The following LTB4R2 variants were observed in gnomAD, a reference collection of about 807,000 sequenced individuals.
LTB4R2 encodes the protein LTB4 receptor JULF2.
In LTB4R2, 6 loss-of-function variants were observed where a neutral mutation model predicts 5.3. The ratio of observed to expected loss-of-function variants is 1.14; its 90% CI spans 0.62 to 2.24. The LOEUF is 2.24. Among genes scored for constraint, LTB4R2 ranks in the 30% most tolerant of loss-of-function variants. LTB4R2 has a pLI of 0.00. For missense variants in LTB4R2, 560 were observed against 521.5 expected (o/e 1.07, Z -0.72); for synonymous variants, 310 against 264.2 (o/e 1.17, Z -1.68).
chr14:24,310,477 A>G, intron 1 of LTB4R2, 178 bp from the exon 2 acceptor site: 1 of 721,218 alleles, frequency 1.4e-6, no homozygotes, highest in Admixed American at 2.1e-5. Flanking sequence ...CTGGGTTCCA[A>G]GAAGGAGTTG....
Position 24,310,744 on chromosome 14 carries a change from T to TAGGA in LTB4R2, c.80_81insAGGA (p.Leu28GlyfsTer256). ...TCGCGGGCCACAGGCACAGCCTTCC[T>TAGGA]GCTGCTGGCGGCGCTGCTGGGGCTG... On this transcript the variant is annotated frameshift_variant, in exon 2 of 2. Transcript: ENST00000533293. LOFTEE classifies it low-confidence loss of function (END_TRUNC). 1 of 1,611,578 alleles carries TAGGA rather than the reference T, an allele frequency of 6.2e-7. No homozygotes were observed. Among genetic ancestry groups the TAGGA allele is most frequent in the Non-Finnish European group, 8.5e-7 (1 of 1,179,814 alleles).
Position 24,310,806 on chromosome 14 carries a change from T to A in LTB4R2, c.142T>A (p.Trp48Arg), listed in dbSNP as rs768100539. 1.9e-6 allele frequency: 3 copies of A among 1,597,658 alleles called. 1 individual carries two copies. The South Asian group carries it at 3.3e-5, about 18-fold the overall frequency. The change falls in exon 2 of 2, where the codon TGG becomes AGG. Residue 48 changes from tryptophan to arginine, a missense_variant. By Grantham distance (101) the Trp-to-Arg change is moderately radical. Coordinates refer to ENST00000533293, the MANE Select transcript of LTB4R2 (RefSeq NM_019839.5). ...NGFVVWSLAG[W>R]RPARGRPLAA... ...CTTCGTGGTGTGGAGCTTGGCGGGC[T>A]GGCGGCCTGCACGGGGGCGACCGCT...
Position 24,311,905 on chromosome 14 carries a change from CTG to C in LTB4R2, c.*165_*166del. On this transcript the variant is annotated 3_prime_UTR_variant, in exon 2 of 2. Coordinates refer to ENST00000533293, the MANE Select transcript of LTB4R2 (RefSeq NM_019839.5). ...TGGGGCAGGCCCAGGCTCCTCCAAA[CTG>C]AGGGATTATGAGGGTGGTGATGGTC... The C allele has an allele frequency of 1.5e-6, 1 of 662,356 alleles. No individual in the cohort carries two copies. Among genetic ancestry groups the C allele is most frequent in the Non-Finnish European group, 2.6e-6 (1 of 388,820 alleles). The allele number at this position is 662,356 out of a possible 1,614,324, so 41.0% of individuals were successfully genotyped here. A position where few individuals can be genotyped will look rare whatever the true frequency, so the allele number is the denominator to read the frequency against.
Position 24,310,811 on chromosome 14 carries a change from G to A in LTB4R2, c.147G>A (p.Arg49=), listed in dbSNP as rs764381575. 1.2e-5 allele frequency: 19 copies of A among 1,596,894 alleles called. No individual in the cohort carries two copies. In the African/African-American group the frequency reaches 2.3e-4, roughly 19 times the overall value. Residue 49 remains arginine (R), a synonymous_variant, in exon 2 of 2, where the codon CGG becomes CGA. Transcript: ENST00000533293. ...GFVVWSLAGW[R]PARGRPLAAT... Reference sequence around the variant, plus strand: ...TGGTGTGGAGCTTGGCGGGCTGGCGGCCTGCACGGGGGCGACCGCTGGCGG... The same window carrying A: ...TGGTGTGGAGCTTGGCGGGCTGGCGACCTGCACGGGGGCGACCGCTGGCGG...
chr14:24,311,307 T>C lies in LTB4R2; in HGVS notation c.643T>C (p.Ser215Pro), dbSNP rs750466222. 1.9e-4 allele frequency: 297 copies of C among 1,593,876 alleles called. No homozygotes were observed. The highest frequency in any genetic ancestry group is 2.5e-4 in the Non-Finnish European group (287 of 1,170,508). Reference protein sequence around the residue: ...LARLRGARWGSGRHGARVGRL... With the variant: ...LARLRGARWGPGRHGARVGRL... ...ACGGCTGCGGGGCGCCCGCTGGGGC[T>C]CCGGGCGGCACGGGGCGCGGGTGGG... Residue 215 changes from serine to proline, a missense_variant, in exon 2 of 2, where the codon TCC becomes CCC. Transcript: ENST00000533293.
In LTB4R2 at chr14:24,311,366, C is replaced by G. The variant is rs1386192971; in HGVS notation, c.702C>G (p.Gly234=). ...RLVSAIVLAF[G]LLWAPYHAVN... ...TGAGCGCCATCGTGCTTGCCTTCGG[C>G]TTGCTCTGGGCCCCCTACCACGCAG... Residue 234 remains glycine (G), a synonymous_variant, in exon 2 of 2, where the codon GGC becomes GGG. Transcript: ENST00000533293. The G allele has an allele frequency of 2.5e-6, 4 of 1,604,356 alleles. No individual in the cohort carries two copies. The highest frequency in any genetic ancestry group is 3.4e-6 in the Non-Finnish European group (4 of 1,179,498).
At position 24,311,332 on chromosome 14, in the gene LTB4R2, G is replaced by A; in HGVS notation, c.668G>A (p.Gly223Asp). ...WGSGRHGARV[G>D]RLVSAIVLAF... ...TCCGGGCGGCACGGGGCGCGGGTGG[G>A]CCGGCTGGTGAGCGCCATCGTGCTT... Residue 223 changes from glycine (G) to aspartate (D), a missense_variant, in exon 2 of 2, where the codon GGC becomes GAC. Physicochemically the swap from Gly to Asp is moderately conservative, Grantham distance 94. Transcript: ENST00000533293. The A allele has an allele frequency of 2.5e-6, 4 of 1,601,940 alleles. No individual in the cohort carries two copies. Among genetic ancestry groups the A allele is most frequent in the Non-Finnish European group, 3.4e-6 (4 of 1,176,292 alleles).
At position 24,311,599 on chromosome 14, in the gene LTB4R2, G is replaced by A; in HGVS notation, c.935G>A (p.Gly312Glu). The A allele has an allele frequency of 6.2e-7, 1 of 1,612,452 alleles. No homozygotes were observed. The highest frequency in any genetic ancestry group is 8.5e-7 in the Non-Finnish European group (1 of 1,180,014). Residue 312 changes from glycine (G) to glutamate (E), a missense_variant, in exon 2 of 2, where the codon GGG becomes GAG. Transcript: ENST00000533293. ...CTCACGCGGCTCTTCGAAGGCTCTG[G>A]GGAGGCCCGAGGGGGCGGCCGCTCT... is the stretch of plus-strand genomic sequence containing the variant. ...RFLTRLFEGSGEARGGGRSRE... is the reference protein window; with the variant it reads ...RFLTRLFEGSEEARGGGRSRE...
Position 24,310,806 on chromosome 14 carries a change from T to C in LTB4R2, c.142T>C (p.Trp48Arg), listed in dbSNP as rs768100539. ...NGFVVWSLAG[W>R]RPARGRPLAA... The stretch of plus-strand genomic sequence containing the variant: ...CTTCGTGGTGTGGAGCTTGGCGGGC[T>C]GGCGGCCTGCACGGGGGCGACCGCT... Residue 48 changes from tryptophan to arginine, a missense_variant, in exon 2 of 2, where the codon TGG becomes CGG. Trp to Arg is a moderately radical substitution (Grantham distance 101, BLOSUM62 -3). Coordinates refer to ENST00000533293, the MANE Select transcript of LTB4R2 (RefSeq NM_019839.5). The C allele has an allele frequency of 8.1e-6, 13 of 1,597,540 alleles. No individual in the cohort carries two copies. Among genetic ancestry groups the C allele is most frequent in the Non-Finnish European group, 1.0e-5 (12 of 1,174,276 alleles).
At position 24,310,763 on chromosome 14, in the gene LTB4R2, G is replaced by A. The variant is rs560159331; in HGVS notation, c.99G>A (p.Leu33=). ...CCTTCCTGCTGCTGGCGGCGCTGCT[G>A]GGGCTGCCTGGCAACGGCTTCGTGG... ...GTAFLLLAAL[L]GLPGNGFVVW... is the part of the protein sequence containing the mutation. Residue 33 remains leucine, a synonymous_variant, in exon 2 of 2, where the codon CTG becomes CTA. Transcript: ENST00000533293. 39 of 1,609,384 alleles carry A rather than the reference G, an allele frequency of 2.4e-5. No homozygotes were observed. The highest frequency in any genetic ancestry group is 3.2e-5 in the Non-Finnish European group (38 of 1,179,568).
At position 24,311,798 on chromosome 14, in the gene LTB4R2, T is replaced by C; in HGVS notation, c.*57T>C. ...GTCCCTTTCCACCCCCCACCCACCC[T>C]CCAGAGGTCAGTGTTCTGGGACATT... On this transcript the variant is annotated 3_prime_UTR_variant, in exon 2 of 2. Coordinates refer to ENST00000533293, the MANE Select transcript of LTB4R2 (RefSeq NM_019839.5). The C allele has an allele frequency of 1.8e-5, 25 of 1,425,812 alleles. No homozygotes were observed. Among genetic ancestry groups the C allele is most frequent in the Non-Finnish European group, 2.4e-5 (25 of 1,059,502 alleles). The allele number at this position is 1,425,812 out of a possible 1,614,324, so 88.3% of individuals were successfully genotyped here.
rs940355341 is a variant in LTB4R2, at chr14:24,310,270, G to T, written c.-11+15G>T. ...CTCCCAGCTTGGTAAGTAGATCTGT[G>T]CACGTCCCTTTACACCCCACCATCC... On this transcript the variant is annotated intron_variant, in intron 1 of 1. Coordinates refer to ENST00000533293, the MANE Select transcript of LTB4R2 (RefSeq NM_019839.5). 6 of 558,890 alleles carry T rather than the reference G, an allele frequency of 1.1e-5. No individual in the cohort carries two copies. In the African/African-American group the frequency reaches 1.1e-4, roughly 11 times the overall value. 34.6% of individuals were successfully genotyped at this position (558,890 alleles called of 1,614,324 possible). A position where few individuals can be genotyped will look rare whatever the true frequency, so the allele number is the denominator to read the frequency against.
chr14:24,310,407 C>T, intron 1 of LTB4R2, 152 bp downstream of exon 1: 1 of 640,746 alleles, frequency 1.6e-6, no homozygotes. Flanking sequence ...GCCTGTTTAC[C>T]ACTGAGCTCT....
In LTB4R2 at chr14:24,311,528, C is replaced by G; in HGVS notation, c.864C>G (p.Tyr288Ter). The G allele has an allele frequency of 6.2e-7, 1 of 1,604,524 alleles. No homozygotes were observed. Among genetic ancestry groups the G allele is most frequent in the African/African-American group, 1.3e-5 (1 of 75,078 alleles). ...FFSSSVNPVL[Y>*]VFTAGDLLPR... ...GTTCTAGCGTCAACCCGGTGCTCTACGTCTTCACCGCTGGAGATCTGCTGC... is the reference window on the plus strand; with the variant it reads ...GTTCTAGCGTCAACCCGGTGCTCTAGGTCTTCACCGCTGGAGATCTGCTGC... The change falls in exon 2 of 2, where the codon TAC becomes TAG. Residue 288 changes from tyrosine to a stop codon, truncating the protein, a stop_gained. Coordinates refer to ENST00000533293, the MANE Select transcript of LTB4R2 (RefSeq NM_019839.5). LOFTEE classifies it high-confidence loss of function.
At position 24,311,182 on chromosome 14, in the gene LTB4R2, C is replaced by T. The variant is rs371024231; in HGVS notation, c.518C>T (p.Pro173Leu). 3.2e-5 allele frequency: 52 copies of T among 1,607,314 alleles called. No individual in the cohort carries two copies. Among genetic ancestry groups the T allele is most frequent in the Non-Finnish European group, 4.0e-5 (47 of 1,177,774 alleles). The change falls in exon 2 of 2, where the codon CCG becomes CTG. Residue 173 changes from proline (P) to leucine (L), a missense_variant. Physicochemically the swap from Pro to Leu is moderately conservative, Grantham distance 98 (BLOSUM62 -3). Coordinates refer to ENST00000533293, the MANE Select transcript of LTB4R2 (RefSeq NM_019839.5). ...GACCGCGTATGCCAGCTGTGCCACC[C>T]GTCGCCGGTCCACGCCGCCGCCCAC... ...WRDRVCQLCH[P>L]SPVHAAAHLS... is the part of the protein sequence containing the mutation.
Position 24,311,051 on chromosome 14 carries a change from G to T in LTB4R2, c.387G>T (p.Ala129=). 6.4e-7 allele frequency: 1 copy of T among 1,572,832 alleles called. No homozygotes were observed. Among genetic ancestry groups the T allele is most frequent in the Non-Finnish European group, 8.6e-7 (1 of 1,169,000 alleles). ...RCLAVTRPFL[A]PRLRSPALAR... is the part of the protein sequence containing the mutation. ...TCGCAGTCACCCGCCCCTTCCTGGC[G>T]CCTCGGCTGCGCAGCCCGGCCCTGG... is the stretch of plus-strand genomic sequence containing the variant. Residue 129 remains alanine (A), a synonymous_variant, in exon 2 of 2, where the codon GCG becomes GCT. Coordinates refer to ENST00000533293, the MANE Select transcript of LTB4R2 (RefSeq NM_019839.5).
Position 24,311,031 on chromosome 14 carries a change from G to T in LTB4R2, c.367G>T (p.Val123Phe), listed in dbSNP as rs1343038087. Reference protein sequence around the residue: ...GLLSLQRCLAVTRPFLAPRLR... With the variant: ...GLLSLQRCLAFTRPFLAPRLR... ...GCTCAGCCTGCAGCGCTGCCTCGCA[G>T]TCACCCGCCCCTTCCTGGCGCCTCG... The change falls in exon 2 of 2, where the codon GTC becomes TTC. Residue 123 changes from valine (V) to phenylalanine (F), a missense_variant. Physicochemically the swap from Val to Phe is conservative, Grantham distance 50 (BLOSUM62 -1). Coordinates refer to ENST00000533293, the MANE Select transcript of LTB4R2 (RefSeq NM_019839.5). 3 of 1,581,970 alleles carry T rather than the reference G, an allele frequency of 1.9e-6. No homozygotes were observed. The highest frequency in any genetic ancestry group is 2.6e-6 in the Non-Finnish European group (3 of 1,173,310).
In LTB4R2 at chr14:24,311,401, T is replaced by C. The variant is rs373569884; in HGVS notation, c.737T>C (p.Leu246Pro). ...GCCCCCTACCACGCAGTCAACCTTC[T>C]GCAGGCGGTCGCAGCGCTGGCTCCA... ...LWAPYHAVNL[L>P]QAVAALAPPE... Residue 246 changes from leucine to proline, a missense_variant, in exon 2 of 2, where the codon CTG becomes CCG. Leu to Pro is a moderately conservative substitution (Grantham distance 98, BLOSUM62 -3). Transcript: ENST00000533293. 45 of 1,602,032 alleles carry C rather than the reference T, an allele frequency of 2.8e-5. No individual in the cohort carries two copies. The highest frequency in any genetic ancestry group is 3.8e-5 in the Non-Finnish European group (45 of 1,179,722).
At chr14:24,310,340 G>T (rs1446629902) in intron 1 of LTB4R2, 85 bp downstream of exon 1, 1 of 599,698 alleles carries the variant, frequency 1.7e-6, no homozygotes, top group Non-Finnish European at 3.0e-6. Flanking sequence ...AAAGAAGGAG[G>T]GGCCAGACTA....
Sources: allele counts gnomAD v4.1 joint callset, GRCh38; gene constraint gnomAD v4.1.1; transcripts MANE v1.5; gene names NCBI Gene and HGNC (gene_info 2026-07-23, HGNC 2026-07-21).